DEAF1: variants seen among roughly 807,000 people sequenced by gnomAD.
DEAF1 encodes the protein deformed epidermal autoregulatory factor 1 homolog.
DEAF1 carries 53 observed loss-of-function variants against 58.9 expected under a neutral mutation model. The ratio of observed to expected loss-of-function variants is 0.90; its 90% CI spans 0.72 to 1.13. The LOEUF (loss-of-function observed/expected upper bound fraction) is 1.13. DEAF1 is among the 50% of genes most tolerant of loss of function. The pLI is 0.00. For missense variants in DEAF1, 685 were observed against 791.4 expected, an observed-to-expected ratio of 0.87 and a Z score of 1.61; for synonymous variants, 385 against 340.4, an observed-to-expected ratio of 1.13 and a Z score of -1.44.
At chr11:659,531 G>C (rs993876638) in intron 10 of DEAF1, among the ~76,000 whole-genome samples, 1 of 152,224 alleles carries the variant, frequency 6.6e-6, no homozygotes, top group Non-Finnish European at 1.5e-5. Flanking sequence ...AGGATGTAAT[G>C]CTGCCAGGAG....
chr11:692,928 G>A (rs899021366), intron 1 of DEAF1, among the ~76,000 whole-genome samples: 5 of 151,422 alleles, frequency 3.3e-5, no homozygotes, highest in Non-Finnish European at 5.9e-5. Context: ...CCTCATCCTC[G>A]CCTCTCAGCA....
chr11:644,702 G>A lies in DEAF1; in HGVS notation c.1594-48C>T, dbSNP rs372224862. 2.1e-5 allele frequency: 31 copies of A among 1,495,090 alleles called. No individual in the cohort carries two copies. The highest frequency in any genetic ancestry group is 2.6e-5 in the Non-Finnish European group (28 of 1,096,830). The allele number at this position is 1,495,090 out of a possible 1,614,324, so 92.6% of individuals were successfully genotyped here. A position where few individuals can be genotyped will look rare whatever the true frequency, so the allele number is the denominator to read the frequency against. ...GTCAGCAGGGTCAGTGGGTGGAGCA[G>A]GGTCTGGGCAGGGTCCCCAAGGCAG... On this transcript the variant is annotated intron_variant, in intron 11 of 11. Coordinates refer to ENST00000382409, the MANE Select transcript of DEAF1 (RefSeq NM_021008.4). This position sits in a 1 kb window ranked among gnomAD's most constrained non-coding sequence, Gnocchi z 4.3.
Position 688,110 on chromosome 11 carries a change from TACA to T in DEAF1, c.518-56_518-54del. Reference sequence around the variant, plus strand: ...AGAGGCCGGACACCGGGAAGCATAGTACACTCTCATCTCAGACACCACCTCCCC... The same window carrying T: ...AGAGGCCGGACACCGGGAAGCATAGTCTCTCATCTCAGACACCACCTCCCC... On this transcript the variant is annotated intron_variant, in intron 3 of 11. Transcript: ENST00000382409. The surrounding 1 kb of genome is among the most constrained non-coding windows in gnomAD (Gnocchi z 4.3). 6.2e-7 allele frequency: 1 copy of T among 1,610,268 alleles called. No individual in the cohort carries two copies.
upstream of DEAF1, chr11:699,758 AAAAAG>A (rs572111122): frequency 2.9e-3 from 528 of 185,024 alleles, 2 homozygotes; most frequent in African/African-American, 0.012. Flanking sequence ...TCTCAAAAAA[AAAAAG>A]AAAATGACAA....
intron 2 of DEAF1, among the ~76,000 whole-genome samples, chr11:690,722 G>A (rs1417680104): frequency 6.6e-6 from 1 of 152,192 alleles, no homozygotes; most frequent in Non-Finnish European, 1.5e-5. Flanking sequence ...CTCCAGTCTA[G>A]GTGACAGAGC....
At chr11:704,517 C>G in intron 1 of DEAF1, 2 of 1,289,456 alleles carry the variant, frequency 1.6e-6, no homozygotes, top group Middle Eastern at 2.1e-4. Flanking sequence ...GGCCACCTCC[C>G]TCACCAGCGC....
At chr11:706,092 C>T (rs1861700056) in intron 1 of DEAF1, 1 of 152,128 alleles carries the variant, frequency 6.6e-6, no homozygotes, top group African/African-American at 2.4e-5. Context: ...ACGCCCTCCT[C>T]CCCCGCGCGC....
chr11:700,180 C>A, upstream of DEAF1: 1 of 1,614,130 alleles, frequency 6.2e-7, no homozygotes. Flanking sequence ...TTTATCTCAG[C>A]GGAACGTACT....
At chr11:655,411 C>T (rs562397848) in intron 10 of DEAF1, among the ~76,000 whole-genome samples, 7 of 152,374 alleles carry the variant, frequency 4.6e-5, no homozygotes, top group South Asian at 4.1e-4. Context: ...TTAATGTTTG[C>T]GGCATGACTA....
At chr11:676,996 G>A (rs1420693581) in intron 9 of DEAF1, among the ~76,000 whole-genome samples, 1 of 148,674 alleles carries the variant, frequency 6.7e-6, no homozygotes, top group African/African-American at 2.6e-5. Flanking sequence ...CAGAGATCCA[G>A]GAGCCACATG....
intron 1 of DEAF1, chr11:700,886 T>A (rs1861424296): frequency 1.5e-6 from 1 of 650,838 alleles, no homozygotes; most frequent in South Asian, 1.8e-5. Flanking sequence ...CAAGAAGTTT[T>A]GTCCCAGAGA....
chr11:678,739 C>T lies in DEAF1; in HGVS notation c.1210G>A (p.Ala404Thr), dbSNP rs908349407. 4 of 1,614,012 alleles carry T rather than the reference C, an allele frequency of 2.5e-6. No homozygotes were observed. The highest frequency in any genetic ancestry group is 3.3e-5 in the Admixed American group (2 of 60,004). The change falls in exon 9 of 12, where the codon GCA becomes ACA. Residue 404 changes from alanine (A) to threonine (T), a missense_variant. Transcript: ENST00000382409. ...YPGYQDSCQIAPFPEAALPTS... is the reference protein window; with the variant it reads ...YPGYQDSCQITPFPEAALPTS... ...GGCAACGCAGCTTCTGGAAACGGTG[C>T]GATCTGGCAGCTGTCCTGATAGCCG...
chr11:684,490 G>A (rs1364853670), intron 6 of DEAF1, among the ~76,000 whole-genome samples: 2 of 151,210 alleles, frequency 1.3e-5, no homozygotes, highest in African/African-American at 2.4e-5. Flanking sequence ...AAGGAAATAC[G>A]TCAAAAAGGC....
In DEAF1 at chr11:694,822, T is replaced by C. The variant is rs1312212385; in HGVS notation, c.226A>G (p.Met76Val). 2.8e-6 allele frequency: 4 copies of C among 1,447,142 alleles called. No individual in the cohort carries two copies. Among genetic ancestry groups the C allele is most frequent in the South Asian group, 1.4e-5 (1 of 71,980 alleles). The allele number at this position is 1,447,142 out of a possible 1,614,324, so 89.6% of individuals were successfully genotyped here. A position where few individuals can be genotyped will look rare whatever the true frequency, so the allele number is the denominator to read the frequency against. Reference protein sequence around the residue: ...VAVMAAEPGHMDMGAEALPGP... With the variant: ...VAVMAAEPGHVDMGAEALPGP... ...GGCAGGGCCTCGGCGCCCATGTCCA[T>C]GTGCCCGGGCTCCGCCGCCATCACC... Residue 76 changes from methionine to valine, a missense_variant, in exon 1 of 12, where the codon ATG (methionine) becomes GTG (valine). Coordinates refer to ENST00000382409, the MANE Select transcript of DEAF1 (RefSeq NM_021008.4).
chr11:656,879 TA>T (rs1347512818), intron 10 of DEAF1, among the ~76,000 whole-genome samples: 1 of 151,942 alleles, frequency 6.6e-6, no homozygotes, highest in Non-Finnish European at 1.5e-5. Flanking sequence ...TTTTTTTTTT[TA>T]AACTGAAAAA....
intron 1 of DEAF1, chr11:700,853 T>G: frequency 2.6e-6 from 2 of 764,652 alleles, no homozygotes; most frequent in Non-Finnish European, 4.7e-6. Flanking sequence ...CAGGCTCACC[T>G]TACAGTGTCA....
chr11:684,929 G>A lies in DEAF1; in HGVS notation c.839C>T (p.Thr280Ile). 1.3e-6 allele frequency: 2 copies of A among 1,551,634 alleles called. No homozygotes were observed. Among genetic ancestry groups the A allele is most frequent in the Non-Finnish European group, 1.7e-6 (2 of 1,147,000 alleles). The change falls in exon 6 of 12, where the codon ACC (threonine) becomes ATC (isoleucine). Residue 280 changes from threonine (T) to isoleucine (I), a missense_variant. Physicochemically the swap from Thr to Ile is moderately conservative, Grantham distance 89 (BLOSUM62 -1). Around this residue, in one of 3 missense-constraint regions of DEAF1, gnomAD observed 132 missense variants for 234.3 expected, o/e 0.56. Coordinates refer to ENST00000382409, the MANE Select transcript of DEAF1 (RefSeq NM_021008.4). ...CATGTCGTCGCAGCAGGCAGCACAG[G>A]TGCAAGAGGCAGCGTGAGGGTTTAA... ...GILNPHAASCTCAACCDDMTL... is the reference protein window; with the variant it reads ...GILNPHAASCICAACCDDMTL...
intron 1 of DEAF1, among the ~76,000 whole-genome samples, chr11:701,572 G>A (rs533167052): frequency 4.0e-5 from 6 of 151,786 alleles, no homozygotes; most frequent in East Asian, 1.9e-4. Context: ...CACCACGCCC[G>A]GCTCATTTTT....
chr11:674,842 T>C lies in DEAF1; in HGVS notation c.1256-59A>G. 2.5e-6 allele frequency: 4 copies of C among 1,598,754 alleles called. No individual in the cohort carries two copies. In the East Asian group the frequency reaches 8.9e-5, roughly 36 times the overall value. On this transcript the variant is annotated intron_variant, in intron 9 of 11. Coordinates refer to ENST00000382409, the MANE Select transcript of DEAF1 (RefSeq NM_021008.4). Reference sequence around the variant, plus strand: ...ATTAATACATCTCCTAGCTTCAAAATGGCCTCCGTTAAAAATTCTCAGCCG... The same window carrying C: ...ATTAATACATCTCCTAGCTTCAAAACGGCCTCCGTTAAAAATTCTCAGCCG...
Sources: allele counts gnomAD v4.1 joint callset (sites outside exome capture counted in the v4.1 genomes callset), GRCh38; gene constraint gnomAD v4.1.1; regional missense constraint gnomAD v4.1.1; non-coding constraint Gnocchi (gnomAD v3.1); transcripts MANE v1.5; gene names NCBI Gene and HGNC (gene_info 2026-07-23, HGNC 2026-07-21).